The following TEKTIP1 variants were observed in gnomAD, a reference collection of about 807,000 sequenced individuals.
The protein encoded by TEKTIP1 is tektin bundle-interacting protein 1.
the TEKTIP1 span, chr19:3,543,223 G>C: frequency 1.9e-6 from 3 of 1,540,616 alleles, no homozygotes; most frequent in Non-Finnish European, 2.6e-6. Context: ...TCTGCCCCCT[G>C]CCCACCCTCA....
the TEKTIP1 span, chr19:3,542,780 C>T: frequency 1.1e-4 from 149 of 1,366,110 alleles, no homozygotes; most frequent in Non-Finnish European, 1.4e-4. Context: ...ACACACCTGG[C>T]CTAGTGGGTC....
At chr19:3,539,232 G>C in the TEKTIP1 span, 2 of 1,550,538 alleles carry the variant, frequency 1.3e-6, no homozygotes, top group African/African-American at 1.4e-5. Flanking sequence ...GGGGACCCTC[G>C]AGGCCAGCTT....
the TEKTIP1 span, chr19:3,543,685 G>T: frequency 1.3e-5 from 20 of 1,532,332 alleles, no homozygotes; most frequent in Non-Finnish European, 1.8e-5. Flanking sequence ...AATACGGTGA[G>T]GCTAGGTGCA....
the TEKTIP1 span, chr19:3,543,912 C>T: frequency 1.9e-6 from 3 of 1,551,194 alleles, no homozygotes; most frequent in Middle Eastern, 1.7e-4. Context: ...CCAGCGCCCG[C>T]CCGGCACCAC....
the TEKTIP1 span, chr19:3,543,626 A>ACC: frequency 6.5e-7 from 1 of 1,544,094 alleles, no homozygotes. Context: ...GGCCCCCAGC[A>ACC]CCCGGTGGGG....
chr19:3,542,129 T>G, the TEKTIP1 span: 3 of 985,146 alleles, frequency 3.0e-6, no homozygotes, highest in African/African-American at 5.3e-5. Context: ...CTGTTTTAAT[T>G]GTGTTTTAAA....
At chr19:3,543,868 G>A in the TEKTIP1 span, 5 of 1,549,398 alleles carry the variant, frequency 3.2e-6, no homozygotes, top group Non-Finnish European at 4.4e-6. Context: ...CCACTGTGGA[G>A]GGCATCAGAC....
the TEKTIP1 span, chr19:3,543,755 G>A: frequency 4.7e-6 from 7 of 1,490,924 alleles, no homozygotes; most frequent in Non-Finnish European, 6.3e-6. Flanking sequence ...AAACTGCCCG[G>A]GGCGATCCAG....
chr19:3,539,180 G>C, the TEKTIP1 span: 1 of 1,549,982 alleles, frequency 6.5e-7, no homozygotes, highest in Non-Finnish European at 8.7e-7. Flanking sequence ...AGGCAGACAT[G>C]CAAACCCTCA....
At chr19:3,543,592 C>T in the TEKTIP1 span, 21 of 1,543,736 alleles carry the variant, frequency 1.4e-5, no homozygotes, top group African/African-American at 5.5e-5. Context: ...CCTGGCATGA[C>T]CCCATCGTCC....
chr19:3,539,189 CA>C, the TEKTIP1 span: 1 of 1,550,430 alleles, frequency 6.4e-7, no homozygotes, highest in African/African-American at 1.4e-5. Flanking sequence ...TGCAAACCCT[CA>C]GGCAAGAGGC....
At chr19:3,543,481 C>CG in the TEKTIP1 span, 1 of 404,688 alleles carries the variant, frequency 2.5e-6, no homozygotes, top group Non-Finnish European at 3.3e-6. Flanking sequence ...CGGGTGAGTG[C>CG]CCCCCCCCCC....
the TEKTIP1 span, chr19:3,539,454 C>T: frequency 3.5e-6 from 2 of 571,906 alleles, no homozygotes; most frequent in South Asian, 4.4e-5. Flanking sequence ...GGGCTACAGA[C>T]CTGGAGACAG....
the TEKTIP1 span, chr19:3,542,791 C>T: frequency 7.3e-7 from 1 of 1,369,376 alleles, no homozygotes; most frequent in African/African-American, 1.5e-5. Flanking sequence ...CTAGTGGGTC[C>T]CCCAGTCTTC....
chr19:3,540,578 A>G, the TEKTIP1 span, among the ~76,000 whole-genome samples: 1 of 151,878 alleles, frequency 6.6e-6, no homozygotes, highest in African/African-American at 2.4e-5. Context: ...CTCTATAAAA[A>G]ATTTAAAAAT....
At chr19:3,543,219 C>G in the TEKTIP1 span, 1 of 1,539,314 alleles carries the variant, frequency 6.5e-7, no homozygotes, top group Non-Finnish European at 8.7e-7. Context: ...AGTCTCTGCC[C>G]CCTGCCCACC....
At chr19:3,543,420 C>A in the TEKTIP1 span, 34 of 1,547,402 alleles carry the variant, frequency 2.2e-5, 1 homozygote, top group Middle Eastern at 6.0e-4. Context: ...TTCCGCGAGG[C>A]CTACAACCGC....
At chr19:3,543,606 C>T in the TEKTIP1 span, 8 of 1,544,848 alleles carry the variant, frequency 5.2e-6, no homozygotes, top group East Asian at 1.5e-4. Flanking sequence ...ATCGTCCCTG[C>T]CCAGTACCAG....
the TEKTIP1 span, chr19:3,543,264 G>A: frequency 7.8e-6 from 12 of 1,546,716 alleles, no homozygotes; most frequent in East Asian, 2.4e-5. Context: ...GAGGGTTCCC[G>A]CTGGCCACCA....
Sources: allele counts gnomAD v4.1 joint callset (sites outside exome capture counted in the v4.1 genomes callset), GRCh38; gene constraint gnomAD v4.1.1; transcripts MANE v1.5; gene names NCBI Gene and HGNC (gene_info 2026-07-23, HGNC 2026-07-21).